TMEM63A: variants seen among roughly 807,000 people sequenced by gnomAD.
TMEM63A encodes transmembrane protein 63A, also known as mechanosensitive cation channel TMEM63A.
TMEM63A carries 76 observed loss-of-function variants against 100.6 expected under a neutral mutation model. The ratio of observed to expected loss-of-function variants is 0.76; its 90% CI spans 0.63 to 0.91. The LOEUF (loss-of-function observed/expected upper bound fraction) is 0.91. TMEM63A is among the 40% of genes least tolerant of loss of function. The pLI is 0.00. For synonymous variants in TMEM63A, 401 were observed against 401.1 expected (o/e 1.00, Z 0.00); for missense variants, 876 against 1,008.8 (o/e 0.87, Z 1.78).
Position 225,853,472 on chromosome 1 carries a change from C to T in TMEM63A, c.1797+157G>A, listed in dbSNP as rs1669453860. Among the ~76,000 whole-genome samples the T allele has an allele frequency of 6.6e-6, 1 of 152,018 alleles. No homozygotes were observed. The highest frequency in any genetic ancestry group is 2.1e-4 in the South Asian group (1 of 4,814). On this transcript the variant is annotated intron_variant, in intron 19 of 24. Coordinates refer to ENST00000366835, the MANE Select transcript of TMEM63A (RefSeq NM_014698.3). This position sits in a 1 kb window ranked among gnomAD's most constrained non-coding sequence, Gnocchi z 4.0. ...TGGAGGAGGCCACGCCTGCCTGGAC[C>T]CGGGTTTGAGAAGCACTTAGCCCAG...
chr1:225,843,614 A>G (rs1031719033), downstream of TMEM63A, among the ~76,000 whole-genome samples: 9 of 152,168 alleles, frequency 5.9e-5, no homozygotes, highest in Non-Finnish European at 2.9e-5. Flanking sequence ...CTATCCCACT[A>G]GGCCACTCCT....
At chr1:225,854,695 G>A (rs139488456) in intron 18 of TMEM63A, among the ~76,000 whole-genome samples, 1,719 of 152,290 alleles carry the variant, frequency 0.011, 113 homozygotes, top group Admixed American at 0.097. Context: ...GCCTGGAGGT[G>A]CAGGCTAGAG....
chr1:225,874,493 A>T, intron 3 of TMEM63A, 126 bp from the exon 4 acceptor site: 1 of 765,066 alleles, frequency 1.3e-6, no homozygotes, highest in Admixed American at 2.8e-5. Flanking sequence ...ACCCAGGCCC[A>T]GAGAGGGCAC....
chr1:225,847,244 G>C (rs779653127), intron 23 of TMEM63A, 31 bp from the exon 24 acceptor site: 3 of 1,604,760 alleles, frequency 1.9e-6, no homozygotes, highest in Non-Finnish European at 2.6e-6. Context: ...GCTTGGCCTG[G>C]ACAGGCATGA....
intron 2 of TMEM63A, among the ~76,000 whole-genome samples, chr1:225,878,885 T>TAA (rs1670949655): frequency 7.2e-6 from 1 of 139,520 alleles, no homozygotes; most frequent in East Asian, 2.2e-4. Context: ...CCTACCTACC[T>TAA]ACACACACAC....
chr1:225,869,666 C>CTTTTCTTTTTT (rs76862516), intron 6 of TMEM63A, among the ~76,000 whole-genome samples: 20 of 109,904 alleles, frequency 1.8e-4, no homozygotes, highest in East Asian at 2.6e-4. Flanking sequence ...CTTTTCTTTT[C>CTTTTCTTTTTT]TTTTTTTTTT....
chr1:225,845,364 CGCCT>C (rs767033087), downstream of TMEM63A: 93 of 1,563,936 alleles, frequency 5.9e-5, no homozygotes, highest in African/African-American at 7.9e-4. Flanking sequence ...CCTCTCCCCC[CGCCT>C]GCCACCTCCC....
At chr1:225,861,114 T>G in intron 13 of TMEM63A, 117 bp from the exon 14 acceptor site, 1 of 1,205,674 alleles carries the variant, frequency 8.3e-7, no homozygotes, top group Non-Finnish European at 1.1e-6. Flanking sequence ...TGCTTTGTTG[T>G]GATTAGTGTA....
intron 21 of TMEM63A, 73 bp from the exon 22 acceptor site, chr1:225,849,085 G>A: frequency 1.7e-6 from 2 of 1,203,266 alleles, no homozygotes; most frequent in Non-Finnish European, 2.4e-6. Flanking sequence ...TGCTGAGGAA[G>A]GGGCCGCACC....
intron 23 of TMEM63A, chr1:225,848,225 C>T: frequency 2.0e-6 from 1 of 492,810 alleles, no homozygotes; most frequent in Non-Finnish European, 3.6e-6. Context: ...ATTAAATATG[C>T]AGAGAAGGAA....
chr1:225,850,949 G>A lies in TMEM63A; in HGVS notation c.1904-870C>T, dbSNP rs540327227. Among the ~76,000 whole-genome samples, 3 of 152,240 alleles carry A rather than the reference G, an allele frequency of 2.0e-5. No homozygotes were observed. The East Asian group carries it at 5.8e-4, about 29-fold the overall frequency. ...GATGGTCTCGATCTCCTGACCTCGT[G>A]ATCCGCCCACCTTTGCCTCCCAAAG... On this transcript the variant is annotated intron_variant, in intron 20 of 24. Coordinates refer to ENST00000366835, the MANE Select transcript of TMEM63A (RefSeq NM_014698.3).
intron 14 of TMEM63A, 30 bp downstream of exon 14, chr1:225,860,830 C>T: frequency 1.9e-6 from 3 of 1,576,952 alleles, no homozygotes; most frequent in Non-Finnish European, 2.6e-6. Context: ...CCAGGCCTCT[C>T]TCCCACCTCT....
At chr1:225,858,781 G>C (rs1471760775) in intron 15 of TMEM63A, among the ~76,000 whole-genome samples, 1 of 151,634 alleles carries the variant, frequency 6.6e-6, no homozygotes, top group Non-Finnish European at 1.5e-5. Context: ...CCCTGCTTCT[G>C]TCAGGAGCCC....
At chr1:225,856,591 G>T in intron 17 of TMEM63A, 61 bp downstream of exon 17, 1 of 1,558,988 alleles carries the variant, frequency 6.4e-7, no homozygotes, top group Admixed American at 1.7e-5. Context: ...TTCTCCTGGG[G>T]ACAGTGCTCT....
intron 4 of TMEM63A, 37 bp from the exon 5 acceptor site, chr1:225,872,090 C>A (rs781776068): frequency 1.3e-5 from 19 of 1,411,226 alleles, no homozygotes; most frequent in Non-Finnish European, 1.5e-5. Flanking sequence ...ACAGATAATT[C>A]TTAGAAAAAA....
chr1:225,875,257 C>T (rs1461154837), intron 3 of TMEM63A, among the ~76,000 whole-genome samples: 3 of 152,148 alleles, frequency 2.0e-5, no homozygotes, highest in African/African-American at 7.2e-5. Context: ...AGCTTGTGTC[C>T]AATGGCAACC....
At chr1:225,877,285 A>G in intron 3 of TMEM63A, 110 bp downstream of exon 3, 1 of 1,300,918 alleles carries the variant, frequency 7.7e-7, no homozygotes. Flanking sequence ...CAGAGTTGAG[A>G]TTTAAACCCA....
At chr1:225,847,753 G>C (rs1022680873) in intron 23 of TMEM63A, among the ~76,000 whole-genome samples, 1 of 152,206 alleles carries the variant, frequency 6.6e-6, no homozygotes, top group Admixed American at 6.5e-5. Flanking sequence ...AGCCACAGGT[G>C]TGTCGCTGGG....
intron 3 of TMEM63A, among the ~76,000 whole-genome samples, chr1:225,876,641 T>G (rs1670816166): frequency 9.9e-6 from 1 of 101,150 alleles, no homozygotes; most frequent in Admixed American, 1.1e-4. Flanking sequence ...TTCTAATTCT[T>G]TTTTTTGTTT....
Sources: allele counts gnomAD v4.1 joint callset (sites outside exome capture counted in the v4.1 genomes callset), GRCh38; gene constraint gnomAD v4.1.1; non-coding constraint Gnocchi (gnomAD v3.1); transcripts MANE v1.5; gene names NCBI Gene and HGNC (gene_info 2026-07-23, HGNC 2026-07-21).